The following DPP10 variants were observed in gnomAD, a reference collection of about 807,000 sequenced individuals.
The protein encoded by DPP10 is inactive dipeptidyl peptidase 10.
Under a neutral mutation model 120.9 loss-of-function variants are expected in DPP10, and 33 were observed. The observed-to-expected ratio is 0.27, with a 90% CI of 0.21 to 0.37. The LOEUF (loss-of-function observed/expected upper bound fraction) is 0.37, where lower values mean the gene tolerates loss of function less well. Ranked by LOEUF, DPP10 falls within the 10% of genes least tolerant of loss-of-function variation. DPP10 has a pLI of 1.00. For missense variants in DPP10, 816 were observed against 942.8 expected, an observed-to-expected ratio of 0.87 and a Z score of 1.76; for synonymous variants, 337 against 326.1, an observed-to-expected ratio of 1.03 and a Z score of -0.36.
At chr2:115,740,326 C>G (rs957585853) in intron 9 of DPP10, among the ~76,000 whole-genome samples, 1 of 151,878 alleles carries the variant, frequency 6.6e-6, no homozygotes, top group Non-Finnish European at 1.5e-5. Flanking sequence ...TTTCTTAGAG[C>G]ACTTAATGTG....
chr2:115,265,816 C>T (rs568245610), intron 1 of DPP10, among the ~76,000 whole-genome samples: 11 of 152,104 alleles, frequency 7.2e-5, no homozygotes, highest in Admixed American at 3.3e-4. Context: ...CGGTGGCTCA[C>T]GCCTGTAGTC....
chr2:115,256,748 C>A (rs567814935), intron 1 of DPP10, among the ~76,000 whole-genome samples: 1 of 152,176 alleles, frequency 6.6e-6, no homozygotes, highest in African/African-American at 2.4e-5. Context: ...TGAAAATTTT[C>A]TAACACCTGG....
intron 1 of DPP10, among the ~76,000 whole-genome samples, chr2:114,585,003 G>A (rs1193307987): frequency 6.6e-6 from 1 of 152,160 alleles, no homozygotes; most frequent in Non-Finnish European, 1.5e-5. Context: ...GAGAAAGCTT[G>A]TGTTAGCTTT....
intron 5 of DPP10, among the ~76,000 whole-genome samples, chr2:115,610,750 T>C (rs930056417): frequency 2.0e-5 from 3 of 152,204 alleles, no homozygotes; most frequent in Non-Finnish European, 2.9e-5. Flanking sequence ...ATGTGCTCTT[T>C]AAATTCTATA....
chr2:114,612,473 C>G (rs1387752865), intron 1 of DPP10, among the ~76,000 whole-genome samples: 1 of 152,114 alleles, frequency 6.6e-6, no homozygotes, highest in African/African-American at 2.4e-5. Flanking sequence ...TGCTTTTTCC[C>G]TCATTTCTGG....
At chr2:115,210,424 T>G (rs1203169379) in intron 1 of DPP10, among the ~76,000 whole-genome samples, 1 of 152,222 alleles carries the variant, frequency 6.6e-6, no homozygotes, top group African/African-American at 2.4e-5. Context: ...CTATCATTGT[T>G]GGACATTTGG....
At chr2:115,122,129 C>T (rs907531917) in intron 1 of DPP10, among the ~76,000 whole-genome samples, 1 of 152,172 alleles carries the variant, frequency 6.6e-6, no homozygotes, top group Non-Finnish European at 1.5e-5. Context: ...AGAGTGTTCC[C>T]CATTCATCCT....
intron 4 of DPP10, among the ~76,000 whole-genome samples, chr2:115,500,129 A>T (rs2076607853): frequency 6.6e-6 from 1 of 151,922 alleles, no homozygotes; most frequent in South Asian, 2.1e-4. Context: ...GGTTTAAATT[A>T]TTGTTTGTAT....
chr2:115,413,571 A>T lies in DPP10; in HGVS notation c.271+69659A>T, dbSNP rs149218674. Among the ~76,000 whole-genome samples the T allele has an allele frequency of 5.1e-4, 78 of 152,322 alleles. No homozygotes were observed. The East Asian group carries it at 0.014, about 28-fold the overall frequency. ...TCAGGATAATATGTTCAAATTTTTA[A>T]AAAGTACCTAAAATTTTAAAAAATC... is the stretch of plus-strand genomic sequence containing the variant. On this transcript the variant is annotated intron_variant, in intron 3 of 25. Coordinates refer to ENST00000410059, the MANE Select transcript of DPP10 (RefSeq NM_020868.6).
chr2:115,472,503 T>G (rs997806391), intron 3 of DPP10, among the ~76,000 whole-genome samples: 5 of 152,086 alleles, frequency 3.3e-5, no homozygotes, highest in African/African-American at 9.7e-5. Context: ...TCACACTGAG[T>G]TTTCATATCC....
chr2:114,936,470 TA>T (rs1209751110), intron 1 of DPP10, among the ~76,000 whole-genome samples: 8 of 151,864 alleles, frequency 5.3e-5, no homozygotes, highest in South Asian at 2.1e-4. Flanking sequence ...TAAACATATA[TA>T]TTTTTTTATC....
intron 1 of DPP10, among the ~76,000 whole-genome samples, chr2:115,254,276 G>A (rs1413090442): frequency 6.6e-6 from 1 of 152,070 alleles, no homozygotes; most frequent in Non-Finnish European, 1.5e-5. Context: ...AGAAAAGAGG[G>A]GAAAACCCCT....
chr2:115,522,286 A>G (rs1175342387), intron 4 of DPP10, among the ~76,000 whole-genome samples: 1 of 152,144 alleles, frequency 6.6e-6, no homozygotes, highest in African/African-American at 2.4e-5. Flanking sequence ...GTTTCAAGCA[A>G]CCATGTTTTG....
At chr2:115,025,521 A>G (rs1703396572) in intron 1 of DPP10, among the ~76,000 whole-genome samples, 1 of 152,096 alleles carries the variant, frequency 6.6e-6, no homozygotes, top group South Asian at 2.1e-4. Flanking sequence ...TATACCTACT[A>G]GTGGAATTGC....
intron 1 of DPP10, among the ~76,000 whole-genome samples, chr2:114,582,069 A>G (rs1690571312): frequency 6.6e-6 from 1 of 152,152 alleles, no homozygotes; most frequent in African/African-American, 2.4e-5. Flanking sequence ...TCTGTCTCCT[A>G]CAGAATAGTT....
intron 5 of DPP10, among the ~76,000 whole-genome samples, chr2:115,538,464 T>A (rs1304039532): frequency 6.6e-6 from 1 of 152,002 alleles, no homozygotes; most frequent in Non-Finnish European, 1.5e-5. Context: ...TTATCATAGT[T>A]TTGAATGAGC....
At chr2:114,948,191 C>T (rs76704099) in intron 1 of DPP10, among the ~76,000 whole-genome samples, 2,802 of 152,038 alleles carry the variant, frequency 0.018, 89 homozygotes, top group African/African-American at 0.061. Context: ...TCAGCTCACT[C>T]GTTTGTTCTT....
chr2:115,106,724 G>C (rs2048961315), intron 1 of DPP10, among the ~76,000 whole-genome samples: 1 of 152,040 alleles, frequency 6.6e-6, no homozygotes, highest in East Asian at 1.9e-4. Flanking sequence ...GCTTCCCAAA[G>C]TTCTGGGATT....
chr2:115,510,797 ATAT>A (rs1257176537), intron 4 of DPP10, among the ~76,000 whole-genome samples: 1 of 152,132 alleles, frequency 6.6e-6, no homozygotes, highest in Non-Finnish European at 1.5e-5. Context: ...ATTTATTTAG[ATAT>A]TATTCAGTTT....
Sources: allele counts gnomAD v4.1 joint callset (sites outside exome capture counted in the v4.1 genomes callset), GRCh38; gene constraint gnomAD v4.1.1; transcripts MANE v1.5; gene names NCBI Gene and HGNC (gene_info 2026-07-23, HGNC 2026-07-21).